The following TTC5 variants were observed in gnomAD, a reference collection of about 807,000 sequenced individuals.
TTC5 encodes tetratricopeptide repeat protein 5.
In TTC5, 46 loss-of-function variants were observed where a neutral mutation model predicts 57.4. The observed-to-expected ratio is 0.80, with a 90% CI of 0.63 to 1.03. The LOEUF (loss-of-function observed/expected upper bound fraction) is 1.03. Among genes scored for constraint, TTC5 ranks in the 50% least tolerant of loss-of-function variants. The probability of loss-of-function intolerance (pLI) is 0.00; values close to 1 mark genes in which losing one functional copy is unlikely to be tolerated. For synonymous variants in TTC5, 190 were observed against 203.5 expected (o/e 0.93, Z 0.57); for missense variants, 504 against 528.1 (o/e 0.95, Z 0.45).
rs1295959897 is a variant in TTC5 at position 20,289,131 on chromosome 14, T to TC, written c.*495_*496insG. 1 of 9,790 alleles carries TC rather than the reference T, an allele frequency of 1.0e-4. No homozygotes were observed. The highest frequency in any genetic ancestry group is 3.6e-4 in the Non-Finnish European group (1 of 2,808). 0.6% of individuals were successfully genotyped at this position (9,790 alleles called of 1,614,324 possible). A position where few individuals can be genotyped will look rare whatever the true frequency, so the allele number is the denominator to read the frequency against. ...ATAAAGCAGGCCAAACTACGTGGTG[T>TC]TTTTTTTTTTTTCCAAACAAATTTA... On this transcript the variant is annotated 3_prime_UTR_variant, in exon 10 of 10. Coordinates refer to ENST00000258821, the MANE Select transcript of TTC5 (RefSeq NM_138376.3).
At chr14:20,299,540 T>C (rs1882138509) in intron 3 of TTC5, 92 bp from the exon 4 acceptor site, 2 of 1,478,074 alleles carry the variant, frequency 1.4e-6, no homozygotes, top group Non-Finnish European at 1.9e-6. Context: ...TCTAATTTTT[T>C]ACCTTTCTAA....
chr14:20,289,679 C>A lies in TTC5; in HGVS notation c.1271G>T (p.Gly424Val), dbSNP rs78323844. The A allele has an allele frequency of 1.9e-3, 3,135 of 1,613,898 alleles. 51 individuals are homozygous for A. In the African/African-American group the frequency reaches 0.037, roughly 19 times the overall value. The change falls in exon 10 of 10, where the codon GGA (glycine) becomes GTA (valine). Residue 424 changes from glycine (G) to valine (V), a missense_variant. Gly to Val is a moderately radical substitution (Grantham distance 109, BLOSUM62 -3). Transcript: ENST00000258821. ...TGTGGCAACAGCCTGGCTGCTGGAT[C>A]CCTGAGGCTTCCCATTCACCACTAG... ...LLLVVNGKPQ[G>V]SSSQAVATVA...
rs762445998 is a variant in TTC5, at chr14:20,295,773, G to C, written c.778C>G (p.Pro260Ala). 2 of 1,614,032 alleles carry C rather than the reference G, an allele frequency of 1.2e-6. No homozygotes were observed. Among genetic ancestry groups the C allele is most frequent in the Non-Finnish European group, 8.5e-7 (1 of 1,179,968 alleles). Residue 260 changes from proline to alanine, a missense_variant, in exon 7 of 10, where the codon CCC becomes GCC. Coordinates refer to ENST00000258821, the MANE Select transcript of TTC5 (RefSeq NM_138376.3). ...AGAAGTTGTTGCTCTCGTTGCCGGG[G>C]CTCTGGCCAGGCAGGGTCCAGGGCT... Reference protein sequence around the residue: ...AAALDPAWPEPRQREQQLLEF... With the variant: ...AAALDPAWPEARQREQQLLEF...
chr14:20,291,673 T>A (rs1463771233), intron 9 of TTC5, among the ~76,000 whole-genome samples: 2 of 152,168 alleles, frequency 1.3e-5, no homozygotes, highest in African/African-American at 4.8e-5. Flanking sequence ...AATATAGATA[T>A]ATGTGTATAT....
chr14:20,303,060 C>T (rs1262969504), intron 1 of TTC5, among the ~76,000 whole-genome samples: 7 of 151,908 alleles, frequency 4.6e-5, no homozygotes, highest in South Asian at 4.2e-4. Flanking sequence ...GGCATGGTGG[C>T]GCACACCTGT....
chr14:20,296,945 G>A (rs1882078085), intron 5 of TTC5, among the ~76,000 whole-genome samples: 1 of 152,140 alleles, frequency 6.6e-6, no homozygotes, highest in African/African-American at 2.4e-5. Context: ...GGGAGGTGGA[G>A]GTTGCAGTGA....
chr14:20,303,169 C>T (rs1594267544), intron 1 of TTC5, among the ~76,000 whole-genome samples: 1 of 143,918 alleles, frequency 6.9e-6, no homozygotes, highest in African/African-American at 2.6e-5. Flanking sequence ...TCCAGCCTGG[C>T]AACAGAGCAA....
chr14:20,290,334 CA>C (rs998683484), intron 9 of TTC5, among the ~76,000 whole-genome samples: 16 of 152,128 alleles, frequency 1.1e-4, no homozygotes, highest in African/African-American at 3.6e-4. Flanking sequence ...AGTCTTCATC[CA>C]AAAAATATGG....
chr14:20,305,289 T>C (rs986360457), intron 1 of TTC5: 2 of 152,084 alleles, frequency 1.3e-5, no homozygotes, highest in Admixed American at 1.3e-4. Context: ...AAATCATGGG[T>C]TCTTAAAGGC....
In TTC5 at chr14:20,288,305, A is replaced by G. The variant is rs979203889; in HGVS notation, c.*1322T>C. The G allele has an allele frequency of 6.6e-6, 1 of 152,286 alleles. No individual in the cohort carries two copies. Among genetic ancestry groups the G allele is most frequent in the African/African-American group, 2.4e-5 (1 of 41,480 alleles). The allele number at this position is 152,286 out of a possible 1,614,324, so 9.4% of individuals were successfully genotyped here. ...ATAAATTTAATGAGTCATCAATGAT[A>G]TTCAAGGCACTGATCAAAAACTGAA... On this transcript the variant is annotated 3_prime_UTR_variant, in exon 10 of 10. Coordinates refer to ENST00000258821, the MANE Select transcript of TTC5 (RefSeq NM_138376.3).
chr14:20,291,854 C>A (rs1881959633), intron 9 of TTC5, 129 bp downstream of exon 9: 2 of 743,870 alleles, frequency 2.7e-6, no homozygotes, highest in African/African-American at 2.0e-5. Context: ...AACATATACA[C>A]ACAAATATAT....
In TTC5 at chr14:20,301,848, T is replaced by A. The variant is rs778066502; in HGVS notation, c.169A>T (p.Met57Leu). The A allele has an allele frequency of 1.9e-6, 3 of 1,614,074 alleles. No individual in the cohort carries two copies. The highest frequency in any genetic ancestry group is 1.3e-5 in the African/African-American group (1 of 75,030). Residue 57 changes from methionine (M) to leucine (L), a missense_variant, in exon 2 of 10, where the codon ATG (methionine) becomes TTG (leucine). By Grantham distance (15) the Met-to-Leu change is conservative. Coordinates refer to ENST00000258821, the MANE Select transcript of TTC5 (RefSeq NM_138376.3). ...QKEMEKTLQQ[M>L]EEVVGSVQGK... The stretch of plus-strand genomic sequence containing the variant: ...GGGCTCATACCCACTACTTCTTCCA[T>A]CTGCTGTAGGGTTTTCTCCATCTCC...
chr14:20,299,375 T>G lies in TTC5; in HGVS notation c.470A>C (p.His157Pro). The G allele has an allele frequency of 1.2e-6, 2 of 1,614,152 alleles. No individual in the cohort carries two copies. Among genetic ancestry groups the G allele is most frequent in the Non-Finnish European group, 1.7e-6 (2 of 1,180,016 alleles). The change falls in exon 4 of 10, where the codon CAT becomes CCT. Residue 157 changes from histidine to proline, a missense_variant. Coordinates refer to ENST00000258821, the MANE Select transcript of TTC5 (RefSeq NM_138376.3). ...RQLRTDTEDE[H>P]SHHVMDSVRQ... ...GACACTGTCCATGACATGGTGAGAA[T>G]GTTCATCTTCAGTGTCAGTCCGCAG...
intron 8 of TTC5, chr14:20,293,693 G>T (rs1882003986): frequency 6.6e-6 from 1 of 152,204 alleles, no homozygotes. Context: ...GTGAATTAAG[G>T]TGGTAAACAC....
rs974833059 is a variant in TTC5, at chr14:20,288,361, C to T, written c.*1266G>A. 5 of 152,260 alleles carry T rather than the reference C, an allele frequency of 3.3e-5. No individual in the cohort carries two copies. Among genetic ancestry groups the T allele is most frequent in the Non-Finnish European group, 7.3e-5 (5 of 68,060 alleles). The allele number at this position is 152,260 out of a possible 1,614,324, so 9.4% of individuals were successfully genotyped here. A position where few individuals can be genotyped will look rare whatever the true frequency, so the allele number is the denominator to read the frequency against. On this transcript the variant is annotated 3_prime_UTR_variant, in exon 10 of 10. Transcript: ENST00000258821. ...CTGGACCAAGAACAAAGATCTGAGC[C>T]ATTTCACTAGAAGACTTCTCAATTC...
Position 20,289,810 on chromosome 14 carries a change from G to T in TTC5, c.1204-64C>A, listed in dbSNP as rs1881918186. Reference sequence around the variant, plus strand: ...CAAGATGGAAAAAGCTCCAGCATGGGGATACACCACTTGCAACTTTCTGCA... The same window carrying T: ...CAAGATGGAAAAAGCTCCAGCATGGTGATACACCACTTGCAACTTTCTGCA... On this transcript the variant is annotated intron_variant, in intron 9 of 9. Transcript: ENST00000258821. 2.6e-6 allele frequency: 4 copies of T among 1,510,872 alleles called. No individual in the cohort carries two copies. The South Asian group carries it at 3.9e-5, about 15-fold the overall frequency. The allele number at this position is 1,510,872 out of a possible 1,614,324, so 93.6% of individuals were successfully genotyped here.
rs767801493 is a variant in TTC5, at chr14:20,305,922, C to T, written c.16G>A (p.Glu6Lys). 1 of 1,614,184 alleles carries T rather than the reference C, an allele frequency of 6.2e-7. No individual in the cohort carries two copies. The highest frequency in any genetic ancestry group is 1.7e-5 in the Admixed American group (1 of 60,016). The change falls in exon 1 of 10, where the codon GAG becomes AAG. Residue 6 changes from glutamate to lysine, a missense_variant. Coordinates refer to ENST00000258821, the MANE Select transcript of TTC5 (RefSeq NM_138376.3). Reference protein sequence around the residue: MMADEEEEVKPILQKL... With the variant: MMADEKEEVKPILQKL... ...TGCAAGATCGGCTTGACTTCTTCCT[C>T]TTCATCAGCCATCATCTCCCGGCCA... is the stretch of plus-strand genomic sequence containing the variant.
At chr14:20,297,182 A>T (rs2138812148) in intron 5 of TTC5, among the ~76,000 whole-genome samples, 1 of 152,300 alleles carries the variant, frequency 6.6e-6, no homozygotes, top group Non-Finnish European at 1.5e-5. Flanking sequence ...ATGTTTCTAC[A>T]TCCAAGTTCC....
At chr14:20,304,829 TCTGGA>T (rs1882258140) in intron 1 of TTC5, among the ~76,000 whole-genome samples, 1 of 152,238 alleles carries the variant, frequency 6.6e-6, no homozygotes, top group Non-Finnish European at 1.5e-5. Flanking sequence ...TTTGTTTTCC[TCTGGA>T]CTGAATGTTT....
Sources: gnomAD v4.1 joint callset for allele counts (sites outside exome capture counted in the v4.1 genomes callset) on GRCh38, gnomAD v4.1.1 for gene constraint, MANE v1.5 for transcripts, NCBI Gene and HGNC (gene_info 2026-07-23, HGNC 2026-07-21) for gene names.